EFR3B: variants seen among roughly 807,000 people sequenced by gnomAD.
EFR3B encodes the protein EFR3 homolog B.
EFR3B carries 64 observed loss-of-function variants against 104.7 expected under a neutral mutation model. The observed-to-expected ratio is 0.61, with a 90% CI of 0.50 to 0.75. The LOEUF (loss-of-function observed/expected upper bound fraction) is 0.75, where lower values mean the gene tolerates loss of function less well. EFR3B is among the 30% of genes least tolerant of loss of function. The pLI is 0.00. For synonymous variants in EFR3B, 385 were observed against 417.9 expected (o/e 0.92, Z 0.96); for missense variants, 750 against 1,078.5 (o/e 0.70, Z 4.27).
At chr2:25,059,781 A>G (rs1416571373) in intron 1 of EFR3B, among the ~76,000 whole-genome samples, 1 of 149,784 alleles carries the variant, frequency 6.7e-6, no homozygotes, top group East Asian at 2.0e-4. Context: ...AGGCCGAGGC[A>G]GGAGAATCGC....
chr2:25,056,125 C>T (rs1668014708), intron 1 of EFR3B, among the ~76,000 whole-genome samples: 1 of 152,170 alleles, frequency 6.6e-6, no homozygotes, highest in African/African-American at 2.4e-5. Context: ...CAGAGAGAGT[C>T]CTGTAGTGAC....
intron 1 of EFR3B, among the ~76,000 whole-genome samples, chr2:25,043,358 C>A (rs1053057988): frequency 1.3e-5 from 2 of 152,204 alleles, no homozygotes; most frequent in Non-Finnish European, 2.9e-5. Context: ...CCAATTTAAC[C>A]CATCACTGAG....
At chr2:25,129,247 C>A (rs1670256966) in intron 6 of EFR3B, among the ~76,000 whole-genome samples, 1 of 150,998 alleles carries the variant, frequency 6.6e-6, no homozygotes, top group African/African-American at 2.4e-5. Flanking sequence ...GTTGCTGTCC[C>A]ACCTGGGCTA....
In EFR3B at chr2:25,139,193, T is replaced by C; in HGVS notation, c.1854+3T>C. On this transcript the variant is annotated splice_donor_region_variant and intron_variant, in intron 16 of 22. Coordinates refer to ENST00000403714, the MANE Select transcript of EFR3B (RefSeq NM_014971.2). ...CCTTCTGCCAGCACATCCATGAGGT[T>C]GGTGTTCTCACGACCAAGAGCTCAG... The C allele has an allele frequency of 2.6e-6, 4 of 1,550,106 alleles. No homozygotes were observed. Among genetic ancestry groups the C allele is most frequent in the South Asian group, 1.2e-5 (1 of 83,860 alleles).
rs1172054437 is a variant in EFR3B at position 25,143,772 on chromosome 2, C to T, written c.1960C>T (p.Leu654Phe). Residue 654 changes from leucine to phenylalanine, a missense_variant, in exon 18 of 23, where the codon CTC becomes TTC. Coordinates refer to ENST00000403714, the MANE Select transcript of EFR3B (RefSeq NM_014971.2). ...TCTTGATGGGGTGGTCATTGAGCTC[C>T]TCTTCCGCCAGAGCAAGATCAGTGA... ...QNLDGVVIELLFRQSKISEVL... is the reference protein window; with the variant it reads ...QNLDGVVIELFFRQSKISEVL... 4 of 1,551,630 alleles carry T rather than the reference C, an allele frequency of 2.6e-6. No individual in the cohort carries two copies. The South Asian group carries it at 4.8e-5, about 18-fold the overall frequency.
chr2:25,123,384 CAAAG>C (rs1670075587), intron 5 of EFR3B, among the ~76,000 whole-genome samples: 1 of 151,536 alleles, frequency 6.6e-6, no homozygotes, highest in South Asian at 2.1e-4. Flanking sequence ...CAATTAATCA[CAAAG>C]AAATTAAAAT....
At chr2:25,070,741 G>T (rs1181104034) in intron 1 of EFR3B, among the ~76,000 whole-genome samples, 1 of 152,198 alleles carries the variant, frequency 6.6e-6, no homozygotes, top group African/African-American at 2.4e-5. Context: ...CTGAGGAAGG[G>T]AGAGAGGCGG....
chr2:25,149,772 A>T (rs1223603694), intron 20 of EFR3B, 30 bp downstream of exon 20: 3 of 1,548,922 alleles, frequency 1.9e-6, no homozygotes, highest in African/African-American at 2.7e-5. Context: ...CTCTGGTTAG[A>T]GGGCAAAATG....
At chr2:25,142,347 C>G (rs1481879503) in intron 17 of EFR3B, among the ~76,000 whole-genome samples, 2 of 151,036 alleles carry the variant, frequency 1.3e-5, no homozygotes. Flanking sequence ...ACTCGGGAGG[C>G]TGAGGCAGGA....
intron 3 of EFR3B, among the ~76,000 whole-genome samples, chr2:25,093,936 C>G (rs919179631): frequency 4.6e-5 from 7 of 152,120 alleles, no homozygotes; most frequent in Non-Finnish European, 1.0e-4. Flanking sequence ...AATCTTAAAG[C>G]AAGTGACTGA....
rs574590891 is a variant in EFR3B at position 25,107,012 on chromosome 2, T to A, written c.363+3225T>A. On this transcript the variant is annotated intron_variant, in intron 4 of 22. Transcript: ENST00000403714. ...AATGAATCAAGCTCATTGTAACCCC[T>A]CATTTTGTTGGATTTCTCAGTGTAG... Among the ~76,000 whole-genome samples the A allele has an allele frequency of 2.0e-5, 3 of 152,298 alleles. No individual in the cohort carries two copies. The South Asian group carries it at 6.2e-4, about 32-fold the overall frequency.
intron 1 of EFR3B, among the ~76,000 whole-genome samples, chr2:25,090,348 A>G (rs1669079057): frequency 6.6e-6 from 1 of 152,214 alleles, no homozygotes; most frequent in Non-Finnish European, 1.5e-5. Flanking sequence ...AAGAAGTGCA[A>G]TGGCTATTAT....
intron 5 of EFR3B, among the ~76,000 whole-genome samples, chr2:25,124,069 C>T (rs1039507411): frequency 1.3e-5 from 2 of 152,140 alleles, no homozygotes; most frequent in African/African-American, 2.4e-5. Context: ...CTTTCTCTTC[C>T]GTCCCCTCCC....
rs1018782048 is a variant in EFR3B at position 25,145,264 on chromosome 2, T to C, written c.2142+213T>C. On this transcript the variant is annotated intron_variant, in intron 19 of 22. Coordinates refer to ENST00000403714, the MANE Select transcript of EFR3B (RefSeq NM_014971.2). ...GGTCCTCCCTGCTCCCATGAGGATATCATAAAACTCACTCTTGAAAGGCCT... is the reference window on the plus strand; with the variant it reads ...GGTCCTCCCTGCTCCCATGAGGATACCATAAAACTCACTCTTGAAAGGCCT... 3 of 575,640 alleles carry C rather than the reference T, an allele frequency of 5.2e-6. No homozygotes were observed. In the Admixed American group the frequency reaches 8.9e-5, roughly 17 times the overall value. 35.7% of individuals were successfully genotyped at this position (575,640 alleles called of 1,614,324 possible).
chr2:25,090,761 C>T (rs2149184338), intron 1 of EFR3B, among the ~76,000 whole-genome samples: 1 of 152,262 alleles, frequency 6.6e-6, no homozygotes, highest in Non-Finnish European at 1.5e-5. Context: ...ATGGAAATGG[C>T]TCCAGGAGAT....
At chr2:25,139,248 C>T in intron 16 of EFR3B, 58 bp downstream of exon 16, 1 of 1,524,938 alleles carries the variant, frequency 6.6e-7, no homozygotes, top group Non-Finnish European at 8.8e-7. Context: ...TTCCTGGGAA[C>T]AGCTTTTCCT....
intron 1 of EFR3B, among the ~76,000 whole-genome samples, chr2:25,074,080 T>C (rs1363119661): frequency 6.6e-6 from 1 of 152,196 alleles, no homozygotes; most frequent in Non-Finnish European, 1.5e-5. Flanking sequence ...GGGGGACTCA[T>C]AATGGATACT....
At position 25,154,064 on chromosome 2, in the gene EFR3B, C is replaced by T. The variant is rs1671094872; in HGVS notation, c.2349-171C>T. 6.6e-6 allele frequency among the ~76,000 whole-genome samples: 1 copy of T among 152,184 alleles called. No homozygotes were observed. Among genetic ancestry groups the T allele is most frequent in the Admixed American group, 6.5e-5 (1 of 15,272 alleles). Reference sequence around the variant, plus strand: ...GCGGAGCCTGCAGGGAAGCTTGACTCCAAGCTGTAGATTCTAGTAGAACGT... The same window carrying T: ...GCGGAGCCTGCAGGGAAGCTTGACTTCAAGCTGTAGATTCTAGTAGAACGT... On this transcript the variant is annotated intron_variant, in intron 22 of 22. Transcript: ENST00000403714. This position sits in a 1 kb window ranked among gnomAD's most constrained non-coding sequence, Gnocchi z 4.1.
rs1170505822 is a variant in EFR3B at position 25,128,960 on chromosome 2, C to CAAAAA, written c.635+665_635+669dup. Among the ~76,000 whole-genome samples the CAAAAA allele has an allele frequency of 1.7e-3, 46 of 26,688 alleles. 8 individuals carry two copies. Among genetic ancestry groups the CAAAAA allele is most frequent in the South Asian group, 4.0e-3 (2 of 498 alleles). The allele number at this position is 26,688 out of a possible 152,430, so 17.5% of individuals were successfully genotyped here. A position where few individuals can be genotyped will look rare whatever the true frequency, so the allele number is the denominator to read the frequency against. The stretch of plus-strand genomic sequence containing the variant: ...TGGGCGACGGAGCGAGACTCCGTCT[C>CAAAAA]AAAAAAAAAAAAAAAAAAAAAAAAA... On this transcript the variant is annotated intron_variant, in intron 6 of 22. Coordinates refer to ENST00000403714, the MANE Select transcript of EFR3B (RefSeq NM_014971.2).
Sources: gnomAD v4.1 joint callset for allele counts (sites outside exome capture counted in the v4.1 genomes callset) on GRCh38, gnomAD v4.1.1 for gene constraint, Gnocchi (gnomAD v3.1) non-coding constraint, MANE v1.5 for transcripts, NCBI Gene and HGNC (gene_info 2026-07-23, HGNC 2026-07-21) for gene names.